FAM107B: variants seen among roughly 807,000 people sequenced by gnomAD.
The protein encoded by FAM107B is protein FAM107B.
In FAM107B, 21 loss-of-function variants were observed where a neutral mutation model predicts 31.5. That is an observed-to-expected ratio of 0.67 (90% CI 0.47 to 0.96). The LOEUF is 0.96. Ranked by LOEUF, FAM107B falls within the 40% of genes least tolerant of loss-of-function variation. The pLI is 0.00. For missense variants in FAM107B, 452 were observed against 377.1 expected, an observed-to-expected ratio of 1.20 and a Z score of -1.64; for synonymous variants, 157 against 141.5, an observed-to-expected ratio of 1.11 and a Z score of -0.78.
chr10:14,646,947 C>T (rs955108039), intron 2 of FAM107B, among the ~76,000 whole-genome samples: 1 of 152,060 alleles, frequency 6.6e-6, no homozygotes. Context: ...GCACCCACCA[C>T]CAGGCCTGGC....
intron 2 of FAM107B, among the ~76,000 whole-genome samples, chr10:14,537,187 T>C (rs1189135301): frequency 6.6e-6 from 1 of 152,142 alleles, no homozygotes; most frequent in East Asian, 1.9e-4. Context: ...GGAGCAGCCA[T>C]GCCCACTCCG....
chr10:14,591,025 C>T (rs4750535), intron 2 of FAM107B, among the ~76,000 whole-genome samples: 141,632 of 147,786 alleles, frequency 0.96, 68,190 homozygotes, highest in East Asian at 1. Flanking sequence ...CCATTTCTTC[C>T]GTATGTTTGC....
intron 1 of FAM107B, among the ~76,000 whole-genome samples, chr10:14,681,704 T>C (rs36001979): frequency 0.094 from 14,363 of 152,024 alleles, 732 homozygotes; most frequent in East Asian, 0.26. Context: ...CAGAACCTCA[T>C]GGAATGGGGA....
At chr10:14,678,556 C>T (rs1478837664) in intron 1 of FAM107B, among the ~76,000 whole-genome samples, 1 of 152,218 alleles carries the variant, frequency 6.6e-6, no homozygotes, top group Non-Finnish European at 1.5e-5. Flanking sequence ...AGATGGATTA[C>T]ATGGATCTCA....
chr10:14,587,019 C>T (rs1178456529), intron 2 of FAM107B, among the ~76,000 whole-genome samples: 1 of 152,186 alleles, frequency 6.6e-6, no homozygotes, highest in African/African-American at 2.4e-5. Flanking sequence ...AGAGTGTAAA[C>T]AATCACGTAT....
chr10:14,720,036 G>A (rs1294388093), intron 1 of FAM107B, among the ~76,000 whole-genome samples: 1 of 148,340 alleles, frequency 6.7e-6, no homozygotes, highest in Non-Finnish European at 1.5e-5. Flanking sequence ...AAGAGATCTG[G>A]GCCTGAGTTG....
At chr10:14,770,383 C>T (rs758451857) in intron 1 of FAM107B, among the ~76,000 whole-genome samples, 3 of 151,938 alleles carry the variant, frequency 2.0e-5, no homozygotes, top group Non-Finnish European at 1.5e-5. Context: ...ATTAGCCAGG[C>T]GTGGTGGCTG....
At chr10:14,609,785 A>C (rs1446715206) in intron 2 of FAM107B, among the ~76,000 whole-genome samples, 1 of 152,240 alleles carries the variant, frequency 6.6e-6, no homozygotes, top group Non-Finnish European at 1.5e-5. Flanking sequence ...AGGCTATCTT[A>C]GAATTCTATG....
At chr10:14,550,219 T>C (rs1482366602) in intron 2 of FAM107B, among the ~76,000 whole-genome samples, 1 of 152,204 alleles carries the variant, frequency 6.6e-6, no homozygotes, top group Non-Finnish European at 1.5e-5. Context: ...TGCAGTAATC[T>C]CATGTCTACT....
rs570064656 is a variant in FAM107B, at chr10:14,603,902, C to T, written c.469+63732G>A. Among the ~76,000 whole-genome samples the T allele has an allele frequency of 7.5e-3, 1,132 of 151,076 alleles. 10 individuals are homozygous for T. The highest frequency in any genetic ancestry group is 0.026 in the African/African-American group (1,090 of 41,408). ...ATACGGCGCACACGGCCAGGCAGTGCACACCGCGCCGGGTAGGGCTCCCCC... is the reference window on the plus strand; with the variant it reads ...ATACGGCGCACACGGCCAGGCAGTGTACACCGCGCCGGGTAGGGCTCCCCC... On this transcript the variant is annotated intron_variant, in intron 2 of 4. Coordinates refer to ENST00000181796, the MANE Select transcript of FAM107B (RefSeq NM_031453.4).
intron 2 of FAM107B, among the ~76,000 whole-genome samples, chr10:14,568,793 A>T (rs1264884611): frequency 7.0e-6 from 1 of 142,678 alleles, no homozygotes; most frequent in Non-Finnish European, 1.5e-5. Context: ...CTGGAGGGGA[A>T]GGGAGAGAGG....
chr10:14,617,565 G>A (rs1026007132), intron 2 of FAM107B, among the ~76,000 whole-genome samples: 1 of 152,166 alleles, frequency 6.6e-6, no homozygotes, highest in African/African-American at 2.4e-5. Flanking sequence ...GCTTAGAAGT[G>A]ATGAAACACG....
intron 1 of FAM107B, among the ~76,000 whole-genome samples, chr10:14,713,169 T>A (rs1174791907): frequency 6.6e-6 from 1 of 152,232 alleles, no homozygotes. Flanking sequence ...AATGGGTTAT[T>A]ATGTTACCTC....
chr10:14,716,066 T>G (rs144539148), intron 1 of FAM107B, among the ~76,000 whole-genome samples: 1 of 152,222 alleles, frequency 6.6e-6, no homozygotes, highest in South Asian at 2.1e-4. Context: ...CTGATGAGAC[T>G]GGCATCCAGG....
At chr10:14,706,855 C>T (rs920270269) in intron 1 of FAM107B, among the ~76,000 whole-genome samples, 4 of 152,078 alleles carry the variant, frequency 2.6e-5, no homozygotes, top group East Asian at 1.9e-4. Flanking sequence ...GGCCAGATGC[C>T]GTGTCTCACG....
intron 2 of FAM107B, among the ~76,000 whole-genome samples, chr10:14,647,550 G>A (rs934449265): frequency 6.6e-6 from 1 of 152,012 alleles, no homozygotes; most frequent in Non-Finnish European, 1.5e-5. Context: ...CAGGCATGGT[G>A]GTGGGTGACT....
chr10:14,697,514 C>T (rs1855295329), intron 1 of FAM107B, among the ~76,000 whole-genome samples: 1 of 152,220 alleles, frequency 6.6e-6, no homozygotes, highest in Admixed American at 6.5e-5. Flanking sequence ...TACTGTGTTC[C>T]AGAATCTGTT....
chr10:14,609,170 G>T (rs1014736728), intron 2 of FAM107B, among the ~76,000 whole-genome samples: 1 of 152,188 alleles, frequency 6.6e-6, no homozygotes, highest in South Asian at 2.1e-4. Flanking sequence ...AAGGTGCATT[G>T]GGTTCTAAAT....
Position 14,723,292 on chromosome 10 carries a change from G to A in FAM107B, c.411+50961C>T, listed in dbSNP as rs946993831. Reference sequence around the variant, plus strand: ...TAGGGAACTGCTGAATAGGCACAGAGGGTATCTGCACACCTTCAGACCAGT... The same window carrying A: ...TAGGGAACTGCTGAATAGGCACAGAAGGTATCTGCACACCTTCAGACCAGT... On this transcript the variant is annotated intron_variant, in intron 1 of 4. Coordinates refer to ENST00000181796, the MANE Select transcript of FAM107B (RefSeq NM_031453.4). 3 of 538,936 alleles carry A rather than the reference G, an allele frequency of 5.6e-6. No individual in the cohort carries two copies. In the African/African-American group the frequency reaches 5.7e-5, roughly 10 times the overall value. 33.4% of individuals were successfully genotyped at this position (538,936 alleles called of 1,614,324 possible).
Sources: allele counts gnomAD v4.1 joint callset (sites outside exome capture counted in the v4.1 genomes callset), GRCh38; gene constraint gnomAD v4.1.1; transcripts MANE v1.5; gene names NCBI Gene and HGNC (gene_info 2026-07-23, HGNC 2026-07-21).